The following FER1L5 variants were observed in gnomAD, a reference collection of about 807,000 sequenced individuals.
The protein encoded by FER1L5 is fer-1-like protein 5.
Under a neutral mutation model 279.9 loss-of-function variants are expected in FER1L5, and 187 were observed. That is an observed-to-expected ratio of 0.67 (90% CI 0.59 to 0.75). The LOEUF (loss-of-function observed/expected upper bound fraction) is 0.75. Ranked by LOEUF, FER1L5 falls within the 30% of genes least tolerant of loss-of-function variation. The probability of loss-of-function intolerance (pLI) is 0.00; values close to 1 mark genes in which losing one functional copy is unlikely to be tolerated. For synonymous variants in FER1L5, 921 were observed against 989.7 expected (o/e 0.93, Z 1.30); for missense variants, 2,091 against 2,594.4 (o/e 0.81, Z 4.21).
chr2:96,654,679 C>G (rs373464028), intron 9 of FER1L5, 183 bp downstream of exon 9: 12 of 345,512 alleles, frequency 3.5e-5, no homozygotes, highest in South Asian at 3.1e-4. Context: ...GCCGGTGGAT[C>G]ACGAGGTCAG....
At chr2:96,660,653 C>A (rs1264188437) in intron 10 of FER1L5, among the ~76,000 whole-genome samples, 1 of 152,244 alleles carries the variant, frequency 6.6e-6, no homozygotes, top group Non-Finnish European at 1.5e-5. Context: ...CTACTGGCTT[C>A]AAGCAATTCT....
intron 7 of FER1L5, chr2:96,652,222 G>C (rs2075411556): frequency 1.5e-6 from 1 of 671,658 alleles, no homozygotes; most frequent in African/African-American, 1.8e-5. Flanking sequence ...TGGTGGGCTG[G>C]TGGGGGCACA....
chr2:96,689,906 G>A lies in FER1L5; in HGVS notation c.2640+148G>A, dbSNP rs1414946893. ...CCCGGGTGAGCGCACCAGCCCTCAG[G>A]CACTCTCTCTCAGCACTGATGGGGT... On this transcript the variant is annotated intron_variant, in intron 26 of 52. Coordinates refer to ENST00000624922, the MANE Select transcript of FER1L5 (RefSeq NM_001293083.2). This position sits in a 1 kb window ranked among gnomAD's most constrained non-coding sequence, Gnocchi z 4.6. 1 of 620,516 alleles carries A rather than the reference G, an allele frequency of 1.6e-6. No individual in the cohort carries two copies. The allele number at this position is 620,516 out of a possible 1,614,324, so 38.4% of individuals were successfully genotyped here.
intron 24 of FER1L5, chr2:96,688,885 C>A: frequency 3.9e-6 from 1 of 256,750 alleles, no homozygotes. Context: ...ACCACACTCT[C>A]CCTGCTGAGC....
chr2:96,684,297 C>A, intron 19 of FER1L5, 30 bp from the exon 20 acceptor site: 8 of 1,545,858 alleles, frequency 5.2e-6, no homozygotes, highest in Non-Finnish European at 7.0e-6. Flanking sequence ...CCCCAGACAC[C>A]CCATCCCTCC....
Position 96,698,279 on chromosome 2 carries a change from TGG to T in FER1L5, c.4356+125_4356+126del. The T allele has an allele frequency of 4.3e-6, 6 of 1,383,338 alleles. No individual in the cohort carries two copies. Among genetic ancestry groups the T allele is most frequent in the Non-Finnish European group, 5.8e-6 (6 of 1,039,992 alleles). 85.7% of individuals were successfully genotyped at this position (1,383,338 alleles called of 1,614,324 possible). A position where few individuals can be genotyped will look rare whatever the true frequency, so the allele number is the denominator to read the frequency against. Reference sequence around the variant, plus strand: ...GATGGAGCAGGGCTTGAGAACGTTCTGGGAGTGGAGGAGCAGAGATTCGCCTC... The same window carrying T: ...GATGGAGCAGGGCTTGAGAACGTTCTGAGTGGAGGAGCAGAGATTCGCCTC... On this transcript the variant is annotated intron_variant, in intron 40 of 52. Transcript: ENST00000624922. The surrounding 1 kb of genome is among the most constrained non-coding windows in gnomAD (Gnocchi z 5.5).
Position 96,700,475 on chromosome 2 carries a change from T to C in FER1L5, c.5070+4T>C. ...CAGCCAGCCAGGCATCGACCAGGTA[T>C]GAGACTGGAGGGGCCACTCCTGGCT... On this transcript the variant is annotated splice_donor_region_variant and intron_variant, in intron 45 of 52. Transcript: ENST00000624922. The C allele has an allele frequency of 6.2e-7, 1 of 1,612,862 alleles. No homozygotes were observed. The highest frequency in any genetic ancestry group is 8.5e-7 in the Non-Finnish European group (1 of 1,179,850).
In FER1L5 at chr2:96,702,468, G is replaced by A. The variant is rs916118742; in HGVS notation, c.5255+67G>A. On this transcript the variant is annotated intron_variant, in intron 47 of 52. Coordinates refer to ENST00000624922, the MANE Select transcript of FER1L5 (RefSeq NM_001293083.2). This position sits in a 1 kb window ranked among gnomAD's most constrained non-coding sequence, Gnocchi z 4.0. ...CCCAGTTCTGTCATCCTGCTGGCAC[G>A]GCCCAGTCCTGAATGGGACACCTCT... 4.9e-5 allele frequency: 76 copies of A among 1,560,660 alleles called. No individual in the cohort carries two copies. Among genetic ancestry groups the A allele is most frequent in the Non-Finnish European group, 5.9e-5 (68 of 1,152,964 alleles).
chr2:96,690,295 C>T (rs1036040624), intron 26 of FER1L5, among the ~76,000 whole-genome samples, 192 bp from the exon 27 acceptor site: 3 of 152,138 alleles, frequency 2.0e-5, no homozygotes, highest in Admixed American at 6.5e-5. Context: ...CAGCTTCCAG[C>T]GCAGAAAGGC....
chr2:96,646,439 C>T lies in FER1L5; in HGVS notation c.124C>T (p.Pro42Ser), dbSNP rs1483826269. Reference protein sequence around the residue: ...KRTRVVEGNDPVWNETLIWHL... With the variant: ...KRTRVVEGNDSVWNETLIWHL... ...AACTCGTGTGGTGGAAGGGAATGAT[C>T]CCGTGTGGAATGAGGTAGACAACAG... The change falls in exon 2 of 53, where the codon CCC becomes TCC. Residue 42 changes from proline (P) to serine (S), a missense_variant. Coordinates refer to ENST00000624922, the MANE Select transcript of FER1L5 (RefSeq NM_001293083.2). 1.3e-6 allele frequency: 2 copies of T among 1,551,596 alleles called. No individual in the cohort carries two copies. Among genetic ancestry groups the T allele is most frequent in the Non-Finnish European group, 1.7e-6 (2 of 1,146,960 alleles).
At chr2:96,677,705 A>C (rs1046165418) in intron 19 of FER1L5, among the ~76,000 whole-genome samples, 1 of 152,080 alleles carries the variant, frequency 6.6e-6, no homozygotes, top group Non-Finnish European at 1.5e-5. Context: ...GTCTCTACTA[A>C]AAATACAAAA....
Position 96,694,545 on chromosome 2 carries a change from C to G in FER1L5, c.3741+81C>G. 8.8e-7 allele frequency: 1 copy of G among 1,137,802 alleles called. No individual in the cohort carries two copies. Among genetic ancestry groups the G allele is most frequent in the Non-Finnish European group, 1.2e-6 (1 of 833,218 alleles). The allele number at this position is 1,137,802 out of a possible 1,614,324, so 70.5% of individuals were successfully genotyped here. ...TGCGCTGCAGCCTTCTGCTGGTCCTCCCTGACTACTGGATCCAAAGCTCAC... is the reference window on the plus strand; with the variant it reads ...TGCGCTGCAGCCTTCTGCTGGTCCTGCCTGACTACTGGATCCAAAGCTCAC... On this transcript the variant is annotated intron_variant, in intron 34 of 52. Coordinates refer to ENST00000624922, the MANE Select transcript of FER1L5 (RefSeq NM_001293083.2). The surrounding 1 kb of genome is among the most constrained non-coding windows in gnomAD (Gnocchi z 4.6).
At position 96,700,130 on chromosome 2, in the gene FER1L5, G is replaced by T. The variant is rs1387049097; in HGVS notation, c.4930+50G>T. On this transcript the variant is annotated intron_variant, in intron 44 of 52. Coordinates refer to ENST00000624922, the MANE Select transcript of FER1L5 (RefSeq NM_001293083.2). The stretch of plus-strand genomic sequence containing the variant: ...AAAGCACAGACACAGGCCTCTGGAA[G>T]CTGTGAGGCTCCAGAATGGAAGAGC... 7 of 1,605,034 alleles carry T rather than the reference G, an allele frequency of 4.4e-6. No homozygotes were observed. In the South Asian group the frequency reaches 5.6e-5, roughly 13 times the overall value.
chr2:96,694,360 A>C lies in FER1L5; in HGVS notation c.3637A>C (p.Lys1213Gln), dbSNP rs1374606294. The change falls in exon 34 of 53, where the codon AAG (lysine) becomes CAG (glutamine). Residue 1213 changes from lysine (K) to glutamine (Q), a missense_variant and splice_region_variant. Coordinates refer to ENST00000624922, the MANE Select transcript of FER1L5 (RefSeq NM_001293083.2). The surrounding 1 kb of genome is among the most constrained non-coding windows in gnomAD (Gnocchi z 4.6). Reference sequence around the variant, plus strand: ...CCTCATGCTCCCTGCCCTCCCCCAGAAGCTTGGAGAGAAGCAGCTGCCTAT... The same window carrying C: ...CCTCATGCTCCCTGCCCTCCCCCAGCAGCTTGGAGAGAAGCAGCTGCCTAT... ...ASCELILQTE[K>Q]LGEKQLPILS... is the part of the protein sequence containing the mutation. The C allele has an allele frequency of 6.5e-7, 1 of 1,547,220 alleles. No individual in the cohort carries two copies. Among genetic ancestry groups the C allele is most frequent in the South Asian group, 1.2e-5 (1 of 83,118 alleles).
At chr2:96,653,779 C>T (rs1426212531) in intron 8 of FER1L5, 77 bp downstream of exon 8, 29 of 1,153,778 alleles carry the variant, frequency 2.5e-5, no homozygotes, top group Non-Finnish European at 3.2e-5. Flanking sequence ...CAGCTCCAGC[C>T]CCCACCCTTA....
Position 96,676,566 on chromosome 2 carries a change from G to A in FER1L5, c.1669+3312G>A, listed in dbSNP as rs191864531. 1.3e-3 allele frequency among the ~76,000 whole-genome samples: 202 copies of A among 151,034 alleles called. 1 individual carries two copies. The highest frequency in any genetic ancestry group is 4.6e-3 in the African/African-American group (191 of 41,140). On this transcript the variant is annotated intron_variant, in intron 19 of 52. Coordinates refer to ENST00000624922, the MANE Select transcript of FER1L5 (RefSeq NM_001293083.2). ...TTCCCATTTTCCTATTTTAGCATAA[G>A]CTCAACAATTTCTACAAAAAAGGCC... is the stretch of plus-strand genomic sequence containing the variant.
chr2:96,644,188 A>AG (rs1176112358), intron 1 of FER1L5, among the ~76,000 whole-genome samples: 1 of 144,858 alleles, frequency 6.9e-6, no homozygotes, highest in Admixed American at 6.9e-5. Flanking sequence ...AAAAAAAAAA[A>AG]AAGAAAGAGG....
In FER1L5 at chr2:96,668,894, A is replaced by C; in HGVS notation, c.1193A>C (p.Lys398Thr). ...AGTGTGTTTCTCTCTAGCCGCAAGA[A>C]GGACTGCCCGGATGAGATTGGGACT... ...IKFRVLDCRK[K>T]DCPDEIGTAS... Residue 398 changes from lysine to threonine, a missense_variant, in exon 16 of 53, where the codon AAG (lysine) becomes ACG (threonine). Lys to Thr is a moderately conservative substitution (Grantham distance 78, BLOSUM62 -1). Transcript: ENST00000624922. 6.4e-7 allele frequency: 1 copy of C among 1,551,590 alleles called. No homozygotes were observed. Among genetic ancestry groups the C allele is most frequent in the South Asian group, 1.2e-5 (1 of 84,052 alleles).
intron 10 of FER1L5, 139 bp from the exon 11 acceptor site, chr2:96,661,186 C>T (rs1573827183): frequency 1.6e-6 from 1 of 607,436 alleles, no homozygotes; most frequent in Non-Finnish European, 2.9e-6. Flanking sequence ...AGTGACTCCC[C>T]TTTTCCTCTG....
Sources: allele counts gnomAD v4.1 joint callset (sites outside exome capture counted in the v4.1 genomes callset), GRCh38; gene constraint gnomAD v4.1.1; non-coding constraint Gnocchi (gnomAD v3.1); transcripts MANE v1.5; gene names NCBI Gene and HGNC (gene_info 2026-07-23, HGNC 2026-07-21).